Variants in GPC5 observed in about 807,000 individuals in gnomAD.
The protein encoded by GPC5 is glypican-5.
A neutral mutation model predicts 53.9 loss-of-function variants in GPC5; 47 were observed. That is an observed-to-expected ratio of 0.87 (90% CI 0.69 to 1.11). GPC5 has a LOEUF of 1.11. GPC5 is among the 50% of genes most tolerant of loss of function. The probability of loss-of-function intolerance (pLI) is 0.00; values close to 1 mark genes in which losing one functional copy is unlikely to be tolerated. For missense variants in GPC5, 748 were observed against 713.1 expected (o/e 1.05, Z -0.56); for synonymous variants, 286 against 263.3 (o/e 1.09, Z -0.84).
chr13:92,706,141 T>A (rs1388617303), intron 7 of GPC5: 2 of 152,042 alleles, frequency 1.3e-5, no homozygotes, highest in African/African-American at 4.8e-5. Context: ...ATAAATAATA[T>A]ACAATTAAAT....
At chr13:91,547,785 G>A (rs2030381427) in intron 2 of GPC5, among the ~76,000 whole-genome samples, 1 of 152,042 alleles carries the variant, frequency 6.6e-6, no homozygotes, top group African/African-American at 2.4e-5. Context: ...CTCTAACCAA[G>A]TGGGATTTAT....
chr13:92,348,197 C>G (rs1316025235), intron 7 of GPC5, among the ~76,000 whole-genome samples: 1 of 150,770 alleles, frequency 6.6e-6, no homozygotes, highest in African/African-American at 2.4e-5. Flanking sequence ...GATAAAAAAG[C>G]CCCAACTATT....
At chr13:92,242,166 G>A (rs1488631942) in intron 7 of GPC5, among the ~76,000 whole-genome samples, 3 of 150,746 alleles carry the variant, frequency 2.0e-5, no homozygotes, top group Admixed American at 6.6e-5. Context: ...CCAGGAGGCG[G>A]AGGTTGCAAT....
At chr13:91,544,834 T>G (rs1410467865) in intron 2 of GPC5, among the ~76,000 whole-genome samples, 1 of 152,170 alleles carries the variant, frequency 6.6e-6, no homozygotes, top group Non-Finnish European at 1.5e-5. Context: ...TGTTTCTGGT[T>G]CTGGTATCTC....
At chr13:91,411,313 T>A (rs1385834134) in intron 1 of GPC5, among the ~76,000 whole-genome samples, 2 of 152,230 alleles carry the variant, frequency 1.3e-5, no homozygotes, top group Non-Finnish European at 2.9e-5. Context: ...TTTATTGTGT[T>A]CTTGCGTGTT....
chr13:92,355,336 A>G (rs1228896854), intron 7 of GPC5, among the ~76,000 whole-genome samples: 1 of 151,594 alleles, frequency 6.6e-6, no homozygotes, highest in Non-Finnish European at 1.5e-5. Context: ...AAGTTATCTG[A>G]GGAAACCTCA....
chr13:92,088,284 A>G (rs1355826644), intron 6 of GPC5, among the ~76,000 whole-genome samples: 55 of 152,126 alleles, frequency 3.6e-4, no homozygotes, highest in Admixed American at 3.5e-3. Flanking sequence ...TCATGATACA[A>G]TGTTCTCTAG....
chr13:92,032,231 A>G (rs776250046), intron 6 of GPC5, among the ~76,000 whole-genome samples: 52 of 150,552 alleles, frequency 3.5e-4, no homozygotes, highest in Non-Finnish European at 6.6e-4. Context: ...GAGCTAAGCT[A>G]TGAGATTGCA....
intron 1 of GPC5, among the ~76,000 whole-genome samples, chr13:91,435,231 G>A (rs537138918): frequency 1.4e-3 from 212 of 152,250 alleles, no homozygotes; most frequent in African/African-American, 4.8e-3. Flanking sequence ...TATGTTGATA[G>A]GCGTGGTGAG....
chr13:92,259,667 A>T (rs529208912), intron 7 of GPC5, among the ~76,000 whole-genome samples: 2 of 152,162 alleles, frequency 1.3e-5, no homozygotes, highest in South Asian at 4.2e-4. Context: ...TTCTTACCTG[A>T]CTTATTCTAA....
In GPC5 at chr13:91,713,998, T is replaced by A. The variant is rs114832280; in HGVS notation, c.1021-14534T>A. On this transcript the variant is annotated intron_variant, in intron 3 of 7. Coordinates refer to ENST00000377067, the MANE Select transcript of GPC5 (RefSeq NM_004466.6). ...TCCCATTCCATCACCAGAATAACCA[T>A]TGAATCTCAGAGCCTCAGAATAACC... 6.5e-3 allele frequency among the ~76,000 whole-genome samples: 995 copies of A among 152,248 alleles called. 14 individuals carry two copies. The highest frequency in any genetic ancestry group is 0.023 in the African/African-American group (954 of 41,538).
chr13:92,463,707 AT>A lies in GPC5; in HGVS notation c.1561+318723del, dbSNP rs1296508074. 2.6e-5 allele frequency among the ~76,000 whole-genome samples: 4 copies of A among 152,178 alleles called. No homozygotes were observed. The South Asian group carries it at 8.3e-4, about 32-fold the overall frequency. The stretch of plus-strand genomic sequence containing the variant: ...AATAATATTTGGTAACTTTATTTAC[AT>A]TTTTCTTCACTTATATTTAATATCT... On this transcript the variant is annotated intron_variant, in intron 7 of 7. Transcript: ENST00000377067.
At chr13:92,405,927 G>T (rs1875777410) in intron 7 of GPC5, among the ~76,000 whole-genome samples, 1 of 152,180 alleles carries the variant, frequency 6.6e-6, no homozygotes, top group Non-Finnish European at 1.5e-5. Context: ...ATCCTTCCAA[G>T]TATCAGAGAG....
At chr13:92,395,907 G>GGTT (rs1555332655) in intron 7 of GPC5, among the ~76,000 whole-genome samples, 60 of 130,662 alleles carry the variant, frequency 4.6e-4, no homozygotes, top group East Asian at 2.3e-3. Context: ...GTTTGTTTCT[G>GGTT]TTTTTTTTTT....
intron 5 of GPC5, among the ~76,000 whole-genome samples, chr13:91,813,963 T>A (rs1373500134): frequency 7.2e-6 from 1 of 138,368 alleles, no homozygotes; most frequent in Non-Finnish European, 1.5e-5. Flanking sequence ...GACAGAGTAT[T>A]GCTCTGTCAC....
At chr13:91,559,853 C>T (rs867524392) in intron 2 of GPC5, among the ~76,000 whole-genome samples, 2 of 152,046 alleles carry the variant, frequency 1.3e-5, no homozygotes, top group African/African-American at 4.8e-5. Flanking sequence ...CAGCATACTC[C>T]AGGGTAACAG....
At chr13:92,199,470 A>G (rs990208889) in intron 7 of GPC5, among the ~76,000 whole-genome samples, 1 of 152,148 alleles carries the variant, frequency 6.6e-6, no homozygotes, top group Non-Finnish European at 1.5e-5. Flanking sequence ...TTGAGATAAA[A>G]TTGAATAATA....
At chr13:91,823,364 A>G (rs189584246) in intron 5 of GPC5, among the ~76,000 whole-genome samples, 5 of 152,164 alleles carry the variant, frequency 3.3e-5, no homozygotes, top group South Asian at 2.1e-4. Flanking sequence ...TTTTTAACAA[A>G]ATGTCTTTTT....
intron 7 of GPC5, among the ~76,000 whole-genome samples, chr13:92,720,205 G>A (rs1025810234): frequency 9.9e-5 from 15 of 152,186 alleles, no homozygotes; most frequent in African/African-American, 3.6e-4. Flanking sequence ...ATAAGTCAAG[G>A]GTAAAGAAAA....
Sources: allele counts gnomAD v4.1 joint callset (sites outside exome capture counted in the v4.1 genomes callset), GRCh38; gene constraint gnomAD v4.1.1; transcripts MANE v1.5; gene names NCBI Gene and HGNC (gene_info 2026-07-23, HGNC 2026-07-21).